The following NCOA2 variants were observed in gnomAD, a reference collection of about 807,000 sequenced individuals.
The protein encoded by NCOA2 is class E basic helix-loop-helix protein 75.
Under a neutral mutation model 145.1 loss-of-function variants are expected in NCOA2, and 21 were observed. The observed-to-expected ratio is 0.14, with a 90% CI of 0.10 to 0.21. The LOEUF (loss-of-function observed/expected upper bound fraction) is 0.21. NCOA2 is among the 10% of genes least tolerant of loss of function. The probability of loss-of-function intolerance (pLI) is 1.00; values close to 1 mark genes in which losing one functional copy is unlikely to be tolerated. For synonymous variants in NCOA2, 619 were observed against 637.5 expected (o/e 0.97, Z 0.44); for missense variants, 1,472 against 1,837.6 (o/e 0.80, Z 3.64).
intron 1 of NCOA2, among the ~76,000 whole-genome samples, chr8:70,361,608 A>C (rs1406775387): frequency 6.6e-6 from 1 of 152,242 alleles, no homozygotes; most frequent in Non-Finnish European, 1.5e-5. Flanking sequence ...ATTTTGACAT[A>C]TATTATCTCC....
chr8:70,271,723 T>A (rs992592638), intron 2 of NCOA2, among the ~76,000 whole-genome samples: 1 of 152,218 alleles, frequency 6.6e-6, no homozygotes, highest in Non-Finnish European at 1.5e-5. Flanking sequence ...CCTGCACGAC[T>A]GAGATAGACA....
At chr8:70,418,679 T>G in the NCOA2 span, among the ~76,000 whole-genome samples, 1 of 152,284 alleles carries the variant, frequency 6.6e-6, no homozygotes, top group South Asian at 2.1e-4. Context: ...CAGCATTTAC[T>G]CTAGTTATAG....
intron 2 of NCOA2, among the ~76,000 whole-genome samples, chr8:70,232,021 G>C (rs1025872002): frequency 5.3e-5 from 8 of 152,108 alleles, no homozygotes; most frequent in Non-Finnish European, 1.2e-4. Flanking sequence ...CAACTCCAAC[G>C]AAGTTCACCT....
upstream of NCOA2, among the ~76,000 whole-genome samples, chr8:70,408,515 T>C (rs189446739): frequency 6.6e-6 from 1 of 152,184 alleles, no homozygotes; most frequent in Non-Finnish European, 1.5e-5. Context: ...AAAACAGAAA[T>C]AGACTGGGCA....
rs759719368 is a variant in NCOA2, at chr8:70,128,890, A to T, written c.3415T>A (p.Ser1139Thr). ...CTACCCTGGGCCATTTGTGCCTGAGATGCATACTGCTGTGGGAAAACGGGC... is the reference window on the plus strand; with the variant it reads ...CTACCCTGGGCCATTTGTGCCTGAGTTGCATACTGCTGTGGGAAAACGGGC... ...KAPVFPQQYA[S>T]QAQMAQGSYS... Residue 1139 changes from serine to threonine, a missense_variant, in exon 17 of 23, where the codon TCT (serine) becomes ACT (threonine). Coordinates refer to ENST00000452400, the MANE Select transcript of NCOA2 (RefSeq NM_006540.4). The T allele has an allele frequency of 8.7e-6, 14 of 1,613,768 alleles. No homozygotes were observed. In the East Asian group the frequency reaches 2.7e-4, roughly 31 times the overall value.
At chr8:70,280,368 G>A (rs370643788) in intron 2 of NCOA2, among the ~76,000 whole-genome samples, 21 of 152,238 alleles carry the variant, frequency 1.4e-4, no homozygotes, top group Non-Finnish European at 2.5e-4. Context: ...ACTGAGGGGC[G>A]ATCGCAATTC....
intron 2 of NCOA2, among the ~76,000 whole-genome samples, chr8:70,289,138 T>C (rs1249847763): frequency 6.6e-6 from 1 of 152,222 alleles, no homozygotes; most frequent in Admixed American, 6.5e-5. Context: ...TATCTTCTAT[T>C]TTCATACTCT....
intron 1 of NCOA2, among the ~76,000 whole-genome samples, chr8:70,397,701 A>G (rs1010685202): frequency 9.2e-5 from 14 of 152,248 alleles, no homozygotes; most frequent in Non-Finnish European, 2.1e-4. Context: ...AGAGAGCACA[A>G]AACATGATTC....
chr8:70,451,351 T>G, the NCOA2 span, among the ~76,000 whole-genome samples: 1 of 128,558 alleles, frequency 7.8e-6, no homozygotes, highest in East Asian at 2.2e-4. Flanking sequence ...GAGGCTGCAG[T>G]GAGCCATGAT....
At chr8:70,301,655 CAAA>C (rs71275063) in intron 1 of NCOA2, among the ~76,000 whole-genome samples, 8 of 60,164 alleles carry the variant, frequency 1.3e-4, no homozygotes, top group African/African-American at 5.6e-4. Context: ...GACCCTTTCT[CAAA>C]AAAAAAAAAA....
chr8:70,356,453 A>C (rs1809706345), intron 1 of NCOA2, among the ~76,000 whole-genome samples: 1 of 152,250 alleles, frequency 6.6e-6, no homozygotes, highest in South Asian at 2.1e-4. Context: ...GGAACCATGA[A>C]TTATGACAAA....
chr8:70,296,947 T>G (rs1485177822), intron 1 of NCOA2, 147 bp from the exon 2 acceptor site: 1 of 152,252 alleles, frequency 6.6e-6, no homozygotes, highest in Non-Finnish European at 1.5e-5. Flanking sequence ...ATAACATCTC[T>G]TATTAAATCG....
At chr8:70,235,425 G>A (rs913712608) in intron 2 of NCOA2, among the ~76,000 whole-genome samples, 2 of 151,994 alleles carry the variant, frequency 1.3e-5, no homozygotes, top group Non-Finnish European at 1.5e-5. Flanking sequence ...TAGTTACAAT[G>A]GCAAATTGTA....
intron 4 of NCOA2, among the ~76,000 whole-genome samples, chr8:70,212,133 T>C (rs1819110069): frequency 6.6e-6 from 1 of 151,122 alleles, no homozygotes; most frequent in Admixed American, 6.6e-5. Context: ...TACCTAAACA[T>C]GCAGTGTTCT....
intron 9 of NCOA2, among the ~76,000 whole-genome samples, chr8:70,162,249 G>A (rs934702967): frequency 2.0e-5 from 3 of 152,152 alleles, no homozygotes; most frequent in African/African-American, 4.8e-5. Context: ...GAGACAAGTC[G>A]TGTCAACTTT....
intron 12 of NCOA2, 78 bp from the exon 13 acceptor site, chr8:70,144,926 A>G (rs1346892560): frequency 1.5e-6 from 2 of 1,310,142 alleles, no homozygotes. Context: ...TTTAGGGACA[A>G]TGTCTGTAAA....
intron 1 of NCOA2, among the ~76,000 whole-genome samples, chr8:70,397,937 T>C (rs1813844850): frequency 6.6e-6 from 1 of 152,162 alleles, no homozygotes. Flanking sequence ...TCTTTAGTAC[T>C]AAAGCAAATT....
At chr8:70,451,142 C>T in the NCOA2 span, among the ~76,000 whole-genome samples, 51 of 140,888 alleles carry the variant, frequency 3.6e-4, no homozygotes, top group East Asian at 0.011. Flanking sequence ...GGTGTGAACC[C>T]GGGAGGCGGA....
At chr8:70,304,471 A>T (rs922345173) in intron 1 of NCOA2, among the ~76,000 whole-genome samples, 2 of 142,206 alleles carry the variant, frequency 1.4e-5, no homozygotes, top group African/African-American at 5.2e-5. Context: ...CTATATGCAT[A>T]TTTTTTTTTT....
Sources: allele counts gnomAD v4.1 joint callset (sites outside exome capture counted in the v4.1 genomes callset), GRCh38; gene constraint gnomAD v4.1.1; transcripts MANE v1.5; gene names NCBI Gene and HGNC (gene_info 2026-07-23, HGNC 2026-07-21).